FAR2: variants seen among roughly 807,000 people sequenced by gnomAD.
The protein encoded by FAR2 is epididymis secretory protein Li 81.
A neutral mutation model predicts 56.0 loss-of-function variants in FAR2; 19 were observed. The observed-to-expected ratio is 0.34, with a 90% CI of 0.24 to 0.50. The LOEUF (loss-of-function observed/expected upper bound fraction) is 0.50, where lower values mean the gene tolerates loss of function less well. Ranked by LOEUF, FAR2 falls within the 20% of genes least tolerant of loss-of-function variation. The pLI is 0.98. For missense variants in FAR2, 508 were observed against 642.2 expected (o/e 0.79, Z 2.26); for synonymous variants, 219 against 218.8 (o/e 1.00, Z -0.01).
At chr12:29,262,691 A>C (rs973996788) in intron 1 of FAR2, among the ~76,000 whole-genome samples, 1 of 152,164 alleles carries the variant, frequency 6.6e-6, no homozygotes, top group Non-Finnish European at 1.5e-5. Context: ...ATACAACCAG[A>C]GAAAACCACC....
At chr12:29,267,927 C>G (rs956587479) in intron 1 of FAR2, among the ~76,000 whole-genome samples, 16 of 152,160 alleles carry the variant, frequency 1.1e-4, no homozygotes, top group African/African-American at 3.9e-4. Context: ...TGCTGGCCTC[C>G]CCTGCTAGAG....
At chr12:29,154,936 C>T (rs1327679113) in intron 1 of FAR2, among the ~76,000 whole-genome samples, 2 of 152,184 alleles carry the variant, frequency 1.3e-5, no homozygotes, top group Admixed American at 6.5e-5. Context: ...TTAACATCTA[C>T]AGTTCTCTAT....
intron 10 of FAR2, among the ~76,000 whole-genome samples, chr12:29,332,330 C>G (rs1015334341): frequency 3.9e-5 from 6 of 152,306 alleles, no homozygotes; most frequent in African/African-American, 1.4e-4. Flanking sequence ...AAGTTTTCAC[C>G]AGACTATGTA....
chr12:29,238,241 CA>C (rs1399894390), intron 1 of FAR2, among the ~76,000 whole-genome samples: 2 of 151,982 alleles, frequency 1.3e-5, no homozygotes, highest in African/African-American at 4.8e-5. Flanking sequence ...TCAACCCAAA[CA>C]ATATAGAGCA....
intron 1 of FAR2, among the ~76,000 whole-genome samples, chr12:29,161,056 T>A (rs1949777734): frequency 6.6e-6 from 1 of 152,170 alleles, no homozygotes; most frequent in African/African-American, 2.4e-5. Flanking sequence ...ATATTTTTGG[T>A]ATGGATTAAT....
At chr12:29,153,744 G>A (rs187330249) in intron 1 of FAR2, among the ~76,000 whole-genome samples, 2 of 152,174 alleles carry the variant, frequency 1.3e-5, no homozygotes, top group South Asian at 4.1e-4. Flanking sequence ...GAAGTGCACA[G>A]ACTTGAGGTG....
intron 1 of FAR2, among the ~76,000 whole-genome samples, chr12:29,182,740 A>G (rs1950003220): frequency 6.6e-6 from 1 of 152,264 alleles, no homozygotes; most frequent in South Asian, 2.1e-4. Flanking sequence ...GGATAAATGA[A>G]GTGAATTCCC....
intron 1 of FAR2, among the ~76,000 whole-genome samples, chr12:29,214,744 C>T (rs1053439668): frequency 1.3e-5 from 2 of 151,986 alleles, no homozygotes; most frequent in Admixed American, 6.6e-5. Flanking sequence ...TGGCTTGAAC[C>T]AGGGAGGTGG....
intron 9 of FAR2, among the ~76,000 whole-genome samples, chr12:29,319,238 G>A (rs1161689601): frequency 1.3e-5 from 2 of 152,066 alleles, no homozygotes; most frequent in African/African-American, 2.4e-5. Flanking sequence ...CAAGTCACCC[G>A]CCTCGGCCTC....
chr12:29,206,500 G>T (rs757926341), intron 1 of FAR2, among the ~76,000 whole-genome samples: 63 of 152,142 alleles, frequency 4.1e-4, no homozygotes, highest in Non-Finnish European at 6.2e-4. Context: ...TTCATCTGTG[G>T]CTGTCATGGA....
At chr12:29,276,539 G>GA (rs1198747899) in intron 2 of FAR2, among the ~76,000 whole-genome samples, 10 of 152,048 alleles carry the variant, frequency 6.6e-5, no homozygotes, top group African/African-American at 2.2e-4. Context: ...ATTTTCCATG[G>GA]AAAAAAATAT....
At chr12:29,196,858 T>C (rs1950148497) in intron 1 of FAR2, among the ~76,000 whole-genome samples, 1 of 152,130 alleles carries the variant, frequency 6.6e-6, no homozygotes, top group Admixed American at 6.5e-5. Flanking sequence ...AAACTATGCA[T>C]GTAACAGGGG....
intron 8 of FAR2, among the ~76,000 whole-genome samples, chr12:29,315,290 G>T (rs796874531): frequency 9.2e-5 from 14 of 152,260 alleles, no homozygotes; most frequent in African/African-American, 3.4e-4. Flanking sequence ...TTCAAGGACA[G>T]CAAGGAGGCC....
At position 29,266,323 on chromosome 12, in the gene FAR2, A is replaced by C. The variant is rs532748942; in HGVS notation, c.-38-4089A>C. Among the ~76,000 whole-genome samples the C allele has an allele frequency of 1.7e-3, 265 of 152,314 alleles. 2 individuals are homozygous for C. Among genetic ancestry groups the C allele is most frequent in the African/African-American group, 5.8e-3 (243 of 41,586 alleles). On this transcript the variant is annotated intron_variant, in intron 1 of 11. Transcript: ENST00000536681. ...AAATATACACAATGGAGTACTATTC[A>C]GCCATAAAAAGAATGAGATCCTGTT...
At chr12:29,323,435 G>A (rs1186519361) in intron 10 of FAR2, among the ~76,000 whole-genome samples, 1 of 152,190 alleles carries the variant, frequency 6.6e-6, no homozygotes, top group African/African-American at 2.4e-5. Flanking sequence ...ATCTGAGAAT[G>A]GGCAGACTGC....
chr12:29,294,795 A>G (rs1168335612), intron 3 of FAR2, among the ~76,000 whole-genome samples: 2 of 152,214 alleles, frequency 1.3e-5, no homozygotes, highest in African/African-American at 4.8e-5. Flanking sequence ...ATCCATTTAT[A>G]AAGTATTTAC....
intron 1 of FAR2, among the ~76,000 whole-genome samples, chr12:29,154,085 T>C (rs568811180): frequency 6.6e-6 from 1 of 152,346 alleles, no homozygotes; most frequent in Non-Finnish European, 1.5e-5. Context: ...TATAATTTTT[T>C]AAAAAGTTAT....
At chr12:29,269,955 AC>A (rs1948586559) in intron 1 of FAR2, among the ~76,000 whole-genome samples, 1 of 152,106 alleles carries the variant, frequency 6.6e-6, no homozygotes, top group Admixed American at 6.5e-5. Context: ...ACACCACTGC[AC>A]CTTTGCCCTT....
intron 1 of FAR2, among the ~76,000 whole-genome samples, chr12:29,164,659 T>C (rs1212377187): frequency 1.3e-5 from 2 of 151,988 alleles, no homozygotes; most frequent in African/African-American, 4.8e-5. Context: ...TGAAGGGAGC[T>C]CCAGCTCTGA....
Sources: gnomAD v4.1 joint callset for allele counts (sites outside exome capture counted in the v4.1 genomes callset) on GRCh38, gnomAD v4.1.1 for gene constraint, MANE v1.5 for transcripts, NCBI Gene and HGNC (gene_info 2026-07-23, HGNC 2026-07-21) for gene names.